Variants in DDX50 observed in about 807,000 individuals in gnomAD.
DDX50 encodes the protein ATP-dependent RNA helicase DDX50.
A neutral mutation model predicts 94.8 loss-of-function variants in DDX50; 56 were observed. The ratio of observed to expected loss-of-function variants is 0.59; its 90% CI spans 0.48 to 0.74. The LOEUF (loss-of-function observed/expected upper bound fraction) is 0.74, where lower values mean the gene tolerates loss of function less well. Ranked by LOEUF, DDX50 falls within the 30% of genes least tolerant of loss-of-function variation. The probability of loss-of-function intolerance (pLI) is 0.00; values close to 1 mark genes in which losing one functional copy is unlikely to be tolerated. For synonymous variants in DDX50, 264 were observed against 295.4 expected, an observed-to-expected ratio of 0.89 and a Z score of 1.09; for missense variants, 713 against 881.2, an observed-to-expected ratio of 0.81 and a Z score of 2.42.
At chr10:68,932,341 C>CT (rs1478050280) in intron 8 of DDX50, among the ~76,000 whole-genome samples, 1 of 152,172 alleles carries the variant, frequency 6.6e-6, no homozygotes, top group Non-Finnish European at 1.5e-5. Context: ...CTCACTGCAA[C>CT]TTTTACCTCC....
At chr10:68,930,411 C>T (rs1283015787) in intron 8 of DDX50, among the ~76,000 whole-genome samples, 1 of 152,198 alleles carries the variant, frequency 6.6e-6, no homozygotes, top group Non-Finnish European at 1.5e-5. Flanking sequence ...AGCCACCGTG[C>T]TCAGCCTTCA....
At chr10:68,915,084 T>C (rs1463546426) in intron 7 of DDX50, among the ~76,000 whole-genome samples, 5 of 150,042 alleles carry the variant, frequency 3.3e-5, no homozygotes, top group African/African-American at 1.2e-4. Flanking sequence ...GTTTATAATT[T>C]TGACTCCATG....
chr10:68,943,184 T>TA, intron 13 of DDX50, 29 bp from the exon 14 acceptor site: 1 of 1,602,180 alleles, frequency 6.2e-7, no homozygotes, highest in Non-Finnish European at 8.5e-7. Context: ...GCATCTAATT[T>TA]AAAATGTTTT....
intron 13 of DDX50, 151 bp from the exon 14 acceptor site, chr10:68,943,062 A>G: frequency 1.5e-6 from 1 of 656,084 alleles, no homozygotes; most frequent in South Asian, 1.9e-5. Flanking sequence ...TCTTAGCAGT[A>G]GTTGTAAATT....
At chr10:68,917,928 A>T (rs1392877191) in intron 7 of DDX50, among the ~76,000 whole-genome samples, 3 of 150,764 alleles carry the variant, frequency 2.0e-5, no homozygotes, top group Admixed American at 2.0e-4. Context: ...TAACATACAT[A>T]TCTTTTTTTT....
chr10:68,926,805 A>ACACT (rs1554836030), intron 8 of DDX50, among the ~76,000 whole-genome samples: 6 of 151,134 alleles, frequency 4.0e-5, no homozygotes, highest in African/African-American at 1.5e-4. Flanking sequence ...ACACACACAC[A>ACACT]CACTTTTGGA....
chr10:68,914,149 A>G lies in DDX50; in HGVS notation c.1034A>G (p.Tyr345Cys), dbSNP rs1374838323. 1.4e-5 allele frequency: 23 copies of G among 1,612,054 alleles called. No homozygotes were observed. Among genetic ancestry groups the G allele is most frequent in the Non-Finnish European group, 1.8e-5 (21 of 1,179,462 alleles). Residue 345 changes from tyrosine (Y) to cysteine (C), a missense_variant, in exon 7 of 15, where the codon TAT (tyrosine) becomes TGT (cysteine). Physicochemically the swap from Tyr to Cys is radical, Grantham distance 194. Transcript: ENST00000373585. ...GCAAAAAAATACATGAAATCCAGAT[A>G]TGAACAGGTTGACCTTGTTGGAAAA... ...KVAKKYMKSR[Y>C]EQVDLVGKMT...
intron 10 of DDX50, among the ~76,000 whole-genome samples, chr10:68,935,578 T>C (rs1842384005): frequency 6.6e-6 from 1 of 152,202 alleles, no homozygotes; most frequent in Non-Finnish European, 1.5e-5. Context: ...CTCACGCCTG[T>C]AATCCCAGCA....
At position 68,946,378 on chromosome 10, in the gene DDX50, A is replaced by G; in HGVS notation, c.1962A>G (p.Ile654Met). 2 of 1,613,318 alleles carry G rather than the reference A, an allele frequency of 1.2e-6. No individual in the cohort carries two copies. Among genetic ancestry groups the G allele is most frequent in the Non-Finnish European group, 1.7e-6 (2 of 1,179,318 alleles). Residue 654 changes from isoleucine to methionine, a missense_variant, in exon 15 of 15, where the codon ATA becomes ATG. Physicochemically the swap from Ile to Met is conservative, Grantham distance 10. This residue lies in a region of DDX50 where 428 missense variants were observed against 602.3 expected (regional missense o/e 0.71). Coordinates refer to ENST00000373585, the MANE Select transcript of DDX50 (RefSeq NM_024045.2). Reference protein sequence around the residue: ...LQAEWHDSDWILSVPAKLPEI... With the variant: ...LQAEWHDSDWMLSVPAKLPEI... ...CAGAGTGGCATGATTCCGACTGGAT[A>G]CTCTCAGTGCCAGCCAAATTACCTG...
intron 12 of DDX50, among the ~76,000 whole-genome samples, chr10:68,939,794 C>T (rs186407948): frequency 4.3e-4 from 65 of 152,168 alleles, no homozygotes; most frequent in African/African-American, 1.3e-3. Flanking sequence ...CTGTTCGTGA[C>T]GCTTATTACT....
chr10:68,907,274 G>A (rs1443062572), intron 2 of DDX50, among the ~76,000 whole-genome samples: 1 of 150,464 alleles, frequency 6.6e-6, no homozygotes, highest in African/African-American at 2.4e-5. Flanking sequence ...AAAGTTATTC[G>A]GAATTGCTTG....
At chr10:68,907,317 CTTTTTTTTTT>C (rs59316500) in intron 2 of DDX50, among the ~76,000 whole-genome samples, 2 of 130,504 alleles carry the variant, frequency 1.5e-5, no homozygotes, top group Non-Finnish European at 3.2e-5. Flanking sequence ...TTTCTTTTTT[CTTTTTTTTTT>C]TTTTTTGAGT....
intron 1 of DDX50, among the ~76,000 whole-genome samples, chr10:68,904,104 A>G (rs969516123): frequency 1.2e-4 from 18 of 151,430 alleles, no homozygotes; most frequent in African/African-American, 4.1e-4. Flanking sequence ...AGATCACGTC[A>G]TTGCACACCA....
At position 68,934,786 on chromosome 10, in the gene DDX50, T is replaced by G. The variant is rs1236883374; in HGVS notation, c.1402-13T>G. 2 of 1,577,878 alleles carry G rather than the reference T, an allele frequency of 1.3e-6. No individual in the cohort carries two copies. The highest frequency in any genetic ancestry group is 1.7e-6 in the Non-Finnish European group (2 of 1,168,736). The stretch of plus-strand genomic sequence containing the variant: ...CTAGATTTTTAAAAAATATTACCTT[T>G]TATAATCTTTAGGATGTTGAGTCCT... On this transcript the variant is annotated splice_polypyrimidine_tract_variant and intron_variant, in intron 9 of 14. Transcript: ENST00000373585. The surrounding 1 kb of genome is among the most constrained non-coding windows in gnomAD (Gnocchi z 4.0).
intron 1 of DDX50, among the ~76,000 whole-genome samples, chr10:68,903,885 G>A (rs1224241131): frequency 2.0e-5 from 3 of 150,490 alleles, no homozygotes; most frequent in Admixed American, 6.6e-5. Flanking sequence ...CTGAGATACA[G>A]GAATTGCTTG....
chr10:68,930,739 A>C (rs1180974878), intron 8 of DDX50, among the ~76,000 whole-genome samples: 1 of 152,000 alleles, frequency 6.6e-6, no homozygotes, highest in East Asian at 1.9e-4. Flanking sequence ...TTGGAGCCTC[A>C]ACTGCGTGGG....
In DDX50 at chr10:68,934,129, C is replaced by T. The variant is rs1842343607; in HGVS notation, c.1240-70C>T. The T allele has an allele frequency of 2.1e-6, 3 of 1,434,112 alleles. No individual in the cohort carries two copies. In the African/African-American group the frequency reaches 4.3e-5, roughly 21 times the overall value. The allele number at this position is 1,434,112 out of a possible 1,614,324, so 88.8% of individuals were successfully genotyped here. On this transcript the variant is annotated intron_variant, in intron 8 of 14. Transcript: ENST00000373585. This position sits in a 1 kb window ranked among gnomAD's most constrained non-coding sequence, Gnocchi z 4.0. ...TAAAAACATGCAAAAGGAGCACAGA[C>T]TAGATGTTGTTGTGCTATCAGTTGC...
intron 1 of DDX50, among the ~76,000 whole-genome samples, chr10:68,903,638 T>C (rs995431127): frequency 3.3e-5 from 5 of 151,776 alleles, no homozygotes; most frequent in African/African-American, 1.2e-4. Context: ...CCGTCTTTAC[T>C]AAAAATACAA....
At chr10:68,914,402 A>G (rs1339835040) in intron 7 of DDX50, among the ~76,000 whole-genome samples, 198 bp downstream of exon 7, 1 of 152,204 alleles carries the variant, frequency 6.6e-6, no homozygotes, top group Non-Finnish European at 1.5e-5. Context: ...AAGCACGTGA[A>G]TAGGCAAGTC....
Sources: allele counts gnomAD v4.1 joint callset (sites outside exome capture counted in the v4.1 genomes callset), GRCh38; gene constraint gnomAD v4.1.1; regional missense constraint gnomAD v4.1.1; non-coding constraint Gnocchi (gnomAD v3.1); transcripts MANE v1.5; gene names NCBI Gene and HGNC (gene_info 2026-07-23, HGNC 2026-07-21).